Variants in DNM1L observed in about 807,000 individuals in gnomAD.
DNM1L encodes dynamin-1-like protein.
Under a neutral mutation model 92.8 loss-of-function variants are expected in DNM1L, and 33 were observed. The observed-to-expected ratio is 0.36, with a 90% confidence interval of 0.27 to 0.48. The LOEUF is 0.48. Among genes scored for constraint, DNM1L ranks in the 20% least tolerant of loss-of-function variants. The pLI is 0.99. For synonymous variants in DNM1L, 284 were observed against 305.0 expected, an observed-to-expected ratio of 0.93 and a Z score of 0.72; for missense variants, 485 against 888.8, an observed-to-expected ratio of 0.55 and a Z score of 5.78.
chr12:32,730,156 G>C (rs1178422235), intron 9 of DNM1L, among the ~76,000 whole-genome samples: 1 of 151,326 alleles, frequency 6.6e-6, no homozygotes, highest in Admixed American at 6.6e-5. Flanking sequence ...ACGAGGTCAA[G>C]AGATCAAGAC....
intron 1 of DNM1L, among the ~76,000 whole-genome samples, chr12:32,700,520 G>A (rs1295415780): frequency 6.6e-6 from 1 of 152,042 alleles, no homozygotes; most frequent in Non-Finnish European, 1.5e-5. Flanking sequence ...ACTGAGGTGG[G>A]AGGATTGCTT....
intron 18 of DNM1L, 110 bp from the exon 19 acceptor site, chr12:32,742,479 C>T (rs1021925715): frequency 5.3e-6 from 7 of 1,319,950 alleles, no homozygotes; most frequent in Non-Finnish European, 7.5e-6. Flanking sequence ...ATGAAATATC[C>T]AAAGTAGTAG....
At chr12:32,737,443 A>AAGCATATCAG in intron 14 of DNM1L, 1 of 437,510 alleles carries the variant, frequency 2.3e-6, no homozygotes, top group Admixed American at 3.7e-5. Flanking sequence ...GACTTTATCA[A>AAGCATATCAG]CTTTGCACAT....
intron 2 of DNM1L, chr12:32,705,908 C>G: frequency 6.4e-7 from 1 of 1,555,856 alleles, no homozygotes; most frequent in Non-Finnish European, 8.8e-7. Context: ...TCTCTTATGC[C>G]TGCATGTGTG....
At position 32,731,849 on chromosome 12, in the gene DNM1L, T is replaced by G; in HGVS notation, c.1357-5T>G. ...ACACGTTTTTCTTTCATCTACCATT[T>G]GTAGGAATTGTTACGATTTCCTAAA... On this transcript the variant is annotated splice_region_variant and splice_polypyrimidine_tract_variant and intron_variant, in intron 11 of 19. Transcript: ENST00000549701. The surrounding 1 kb of genome is among the most constrained non-coding windows in gnomAD (Gnocchi z 5.1). 6.2e-7 allele frequency: 1 copy of G among 1,610,256 alleles called. No individual in the cohort carries two copies. Among genetic ancestry groups the G allele is most frequent in the Non-Finnish European group, 8.5e-7 (1 of 1,176,742 alleles).
intron 1 of DNM1L, among the ~76,000 whole-genome samples, chr12:32,697,808 A>T (rs1017996216): frequency 5.3e-5 from 8 of 152,210 alleles, no homozygotes; most frequent in Middle Eastern, 3.4e-3. Context: ...TAGCAATATT[A>T]AAAAAAATCA....
At chr12:32,703,600 G>GA (rs60459928) in intron 2 of DNM1L, among the ~76,000 whole-genome samples, 26,630 of 94,618 alleles carry the variant, frequency 0.28, 2,928 homozygotes, top group African/African-American at 0.43. Context: ...AGAAAGGGAA[G>GA]AAACATAAAC....
chr12:32,731,194 A>T lies in DNM1L; in HGVS notation c.1200+60A>T. 6.2e-7 allele frequency: 1 copy of T among 1,607,950 alleles called. No homozygotes were observed. On this transcript the variant is annotated intron_variant, in intron 10 of 19. Coordinates refer to ENST00000549701, the MANE Select transcript of DNM1L (RefSeq NM_012062.5). This position sits in a 1 kb window ranked among gnomAD's most constrained non-coding sequence, Gnocchi z 5.1. ...AATGAGGTTAAAGTTTTTCTTACCC[A>T]TATACTGTGTCTTTTTAAATTTAAT...
At chr12:32,742,888 CT>C (rs36039451) in intron 19 of DNM1L, 140 bp downstream of exon 19, 25,689 of 243,734 alleles carry the variant, frequency 0.11, 10 homozygotes, top group South Asian at 0.14. Context: ...TGATAAGAAT[CT>C]TTTTTTTTTT....
rs1953826590 is a variant in DNM1L at position 32,721,833 on chromosome 12, GT to G, written c.873-591del. Among the ~76,000 whole-genome samples the G allele has an allele frequency of 2.0e-5, 3 of 152,220 alleles. No individual in the cohort carries two copies. In the South Asian group the frequency reaches 6.2e-4, roughly 32 times the overall value. On this transcript the variant is annotated intron_variant, in intron 8 of 19. Coordinates refer to ENST00000549701, the MANE Select transcript of DNM1L (RefSeq NM_012062.5). ...AGGGTACCCATGATCCCCTTTTCAT[GT>G]TTGATGAATTTGTTAGAGTGGCTCA...
Position 32,737,687 on chromosome 12 carries a change from T to C in DNM1L, c.1597-178T>C, listed in dbSNP as rs373959575. 537 of 596,676 alleles carry C rather than the reference T, an allele frequency of 9.0e-4. 3 individuals carry two copies. Among genetic ancestry groups the C allele is most frequent in the African/African-American group, 8.8e-3 (473 of 53,812 alleles). 37.0% of individuals were successfully genotyped at this position (596,676 alleles called of 1,614,324 possible). Reference sequence around the variant, plus strand: ...TATGTATTCATCTGAAGGAAACTTTTAACAAAGGTGACAATGGTGAAGGAA... The same window carrying C: ...TATGTATTCATCTGAAGGAAACTTTCAACAAAGGTGACAATGGTGAAGGAA... On this transcript the variant is annotated intron_variant, in intron 14 of 19. Coordinates refer to ENST00000549701, the MANE Select transcript of DNM1L (RefSeq NM_012062.5).
At chr12:32,698,059 A>G (rs564196360) in intron 1 of DNM1L, among the ~76,000 whole-genome samples, 8 of 152,102 alleles carry the variant, frequency 5.3e-5, no homozygotes, top group Non-Finnish European at 1.0e-4. Context: ...AAATTATTTC[A>G]GAGTACAGTA....
chr12:32,679,922 C>G, intron 1 of DNM1L: 1 of 986,228 alleles, frequency 1.0e-6, no homozygotes, highest in Non-Finnish European at 1.2e-6. Context: ...TATTTCCCTC[C>G]TTGCCTTGCC....
chr12:32,728,043 T>C (rs538314553), intron 9 of DNM1L: 1 of 152,494 alleles, frequency 6.6e-6, no homozygotes, highest in South Asian at 2.1e-4. Context: ...GAAATAATTA[T>C]AGACTCACAG....
At position 32,722,628 on chromosome 12, in the gene DNM1L, G is replaced by A. The variant is rs371660963; in HGVS notation, c.1074G>A (p.Ser358=). 2.9e-5 allele frequency: 47 copies of A among 1,611,096 alleles called. No individual in the cohort carries two copies. Among genetic ancestry groups the A allele is most frequent in the African/African-American group, 4.0e-5 (3 of 74,804 alleles). ...IEGTAKYIET[S]ELCGGARICY... is the part of the protein sequence containing the mutation. ...GAACTGCAAAATATATTGAAACTTC[G>A]GAGCTGTAAGTAAGAAATTTTTCTG... The change falls in exon 9 of 20, where the codon TCG becomes TCA. Residue 358 remains serine (S), a synonymous_variant. Coordinates refer to ENST00000549701, the MANE Select transcript of DNM1L (RefSeq NM_012062.5).
At chr12:32,727,995 C>T (rs1954265258) in intron 9 of DNM1L, among the ~76,000 whole-genome samples, 1 of 152,180 alleles carries the variant, frequency 6.6e-6, no homozygotes, top group Admixed American at 6.5e-5. Context: ...CAAGAACATC[C>T]ATTTCTCTAC....
intron 1 of DNM1L, 26 bp downstream of exon 1, chr12:32,679,491 C>T (rs760510351): frequency 5.0e-6 from 8 of 1,592,546 alleles, no homozygotes; most frequent in Non-Finnish European, 6.9e-6. Context: ...GGCGTTCGCT[C>T]GGGCCAGACC....
At chr12:32,728,960 A>G (rs1306546389) in intron 9 of DNM1L, 1 of 145,406 alleles carries the variant, frequency 6.9e-6, no homozygotes, top group Non-Finnish European at 1.5e-5. Context: ...ATTATTTTTT[A>G]TTTTTTATTT....
At chr12:32,697,983 ATTT>A in intron 1 of DNM1L, among the ~76,000 whole-genome samples, 1 of 147,804 alleles carries the variant, frequency 6.8e-6, no homozygotes, top group Non-Finnish European at 1.5e-5. Flanking sequence ...AGAGAATTTG[ATTT>A]TTTTTTTTTA....
Sources: gnomAD v4.1 joint callset for allele counts (sites outside exome capture counted in the v4.1 genomes callset) on GRCh38, gnomAD v4.1.1 for gene constraint, Gnocchi (gnomAD v3.1) non-coding constraint, MANE v1.5 for transcripts, NCBI Gene and HGNC (gene_info 2026-07-23, HGNC 2026-07-21) for gene names.